Variants in EPM2A observed in about 807,000 individuals in gnomAD.
EPM2A encodes the protein EPM2A glucan phosphatase, laforin.
In EPM2A, 21 loss-of-function variants were observed where a neutral mutation model predicts 26.5. The ratio of observed to expected loss-of-function variants is 0.79; its 90% confidence interval spans 0.56 to 1.14. The LOEUF is 1.14. Ranked by LOEUF, EPM2A falls within the 50% of genes most tolerant of loss-of-function variation. The pLI, the probability that EPM2A is intolerant of heterozygous loss-of-function variation, is 0.00. For missense variants in EPM2A, 458 were observed against 440.8 expected (o/e 1.04, Z -0.35); for synonymous variants, 217 against 177.6 (o/e 1.22, Z -1.76).
chr6:145,696,858 T>C (rs927033971), intron 1 of EPM2A, among the ~76,000 whole-genome samples: 1 of 151,670 alleles, frequency 6.6e-6, no homozygotes, highest in Non-Finnish European at 1.5e-5. Flanking sequence ...CTGATTACTA[T>C]GATTATTGTT....
chr6:145,604,291 C>T (rs1439036063), intron 2 of EPM2A, among the ~76,000 whole-genome samples: 1 of 151,958 alleles, frequency 6.6e-6, no homozygotes, highest in Admixed American at 6.6e-5. Flanking sequence ...GATAATATTA[C>T]CATATACAAA....
downstream of EPM2A, among the ~76,000 whole-genome samples, chr6:145,624,142 A>G (rs116348456): frequency 2.0e-3 from 306 of 152,224 alleles, 2 homozygotes; most frequent in African/African-American, 6.4e-3. Context: ...GCAGGTACTC[A>G]GTGACGGCAC....
chr6:145,426,191 C>G (rs1160302324), intron 4 of EPM2A, among the ~76,000 whole-genome samples: 1 of 152,218 alleles, frequency 6.6e-6, no homozygotes, highest in Admixed American at 6.5e-5. Context: ...ATGTTCACAG[C>G]AGGCCAGGAT....
In EPM2A at chr6:145,515,648, AC is replaced by A; in HGVS notation, c.341-13074del. ...AGGGCCCTGTCCCCATGATCTAATC[AC>A]CTCTTGAAGTCCTCACATCCTAATA... is the stretch of plus-strand genomic sequence containing the variant. On this transcript the variant is annotated intron_variant, in intron 2 of 3. Coordinates refer to the EPM2A transcript ENST00000450221. Among the ~76,000 whole-genome samples, 3 of 152,198 alleles carry A rather than the reference AC, an allele frequency of 2.0e-5. No homozygotes were observed. In the Middle Eastern group the frequency reaches 0.01, roughly 518 times the overall value.
chr6:145,394,407 C>T lies in EPM2A; in HGVS notation c.556-10310G>A, dbSNP rs369909074. Among the ~76,000 whole-genome samples, 14 of 152,236 alleles carry T rather than the reference C, an allele frequency of 9.2e-5. 1 individual carries two copies. The highest frequency in any genetic ancestry group is 3.4e-4 in the African/African-American group (14 of 41,530). On this transcript the variant is annotated intron_variant, in intron 4 of 4. Coordinates refer to the EPM2A transcript ENST00000638717. Reference sequence around the variant, plus strand: ...GGGCCAATCTAACACTGATATCTGTCTGATTCACTCAGCACTGCCAATTAC... The same window carrying T: ...GGGCCAATCTAACACTGATATCTGTTTGATTCACTCAGCACTGCCAATTAC...
At chr6:145,642,111 T>G (rs1310254610) in intron 2 of EPM2A, among the ~76,000 whole-genome samples, 2 of 152,120 alleles carry the variant, frequency 1.3e-5, no homozygotes, top group Admixed American at 1.3e-4. Context: ...ACTAGCAAAC[T>G]TTGCTTCCTT....
intron 4 of EPM2A, among the ~76,000 whole-genome samples, chr6:145,476,594 A>C (rs1319950506): frequency 1.3e-5 from 2 of 152,086 alleles, no homozygotes; most frequent in Non-Finnish European, 2.9e-5. Flanking sequence ...TTAAAATAGC[A>C]TAAAGCATCT....
chr6:145,638,409 G>A (rs1369975365), intron 2 of EPM2A: 1 of 152,154 alleles, frequency 6.6e-6, no homozygotes, highest in Non-Finnish European at 1.5e-5. Flanking sequence ...ATATCCTTCA[G>A]CCCTGGCCTT....
At chr6:145,705,730 C>T (rs755000729) in intron 1 of EPM2A, among the ~76,000 whole-genome samples, 3 of 152,078 alleles carry the variant, frequency 2.0e-5, no homozygotes, top group Non-Finnish European at 4.4e-5. Flanking sequence ...AATGAGGCAA[C>T]GCAACAGGAA....
At chr6:145,561,680 T>C (rs1036066190) in intron 2 of EPM2A, among the ~76,000 whole-genome samples, 4 of 152,118 alleles carry the variant, frequency 2.6e-5, no homozygotes, top group South Asian at 2.1e-4. Flanking sequence ...TGTTGCATGA[T>C]TGAATGCATG....
intron 4 of EPM2A, among the ~76,000 whole-genome samples, chr6:145,419,341 C>T (rs940221861): frequency 5.9e-5 from 9 of 152,186 alleles, no homozygotes; most frequent in African/African-American, 2.2e-4. Context: ...CCTTCCAGGT[C>T]TAATATCCTT....
At chr6:145,720,070 C>T (rs928042395) in intron 1 of EPM2A, among the ~76,000 whole-genome samples, 5 of 152,098 alleles carry the variant, frequency 3.3e-5, no homozygotes, top group African/African-American at 1.2e-4. Context: ...GATTGATTCA[C>T]TAATGGATTC....
chr6:145,393,727 TC>T (rs1487912796), intron 4 of EPM2A, among the ~76,000 whole-genome samples: 1 of 152,096 alleles, frequency 6.6e-6, no homozygotes, highest in Non-Finnish European at 1.5e-5. Flanking sequence ...CAGTGACTGT[TC>T]CTTAGAATCT....
At chr6:145,648,046 C>T (rs1429474073) in intron 2 of EPM2A, among the ~76,000 whole-genome samples, 1 of 152,168 alleles carries the variant, frequency 6.6e-6, no homozygotes, top group African/African-American at 2.4e-5. Flanking sequence ...AGTAATTAGA[C>T]CGCCTCAAAT....
At chr6:145,714,701 T>C in intron 1 of EPM2A, among the ~76,000 whole-genome samples, 1 of 152,172 alleles carries the variant, frequency 6.6e-6, no homozygotes, top group Non-Finnish European at 1.5e-5. Flanking sequence ...AAGTCACATC[T>C]TACATGGATG....
intron 4 of EPM2A, among the ~76,000 whole-genome samples, chr6:145,414,720 T>A (rs1451957615): frequency 6.6e-6 from 1 of 152,048 alleles, no homozygotes; most frequent in Non-Finnish European, 1.5e-5. Context: ...AAGTCCAATG[T>A]GGATAGCAAA....
At chr6:145,642,791 A>T (rs58492233) in intron 2 of EPM2A, among the ~76,000 whole-genome samples, 2,349 of 152,252 alleles carry the variant, frequency 0.015, 67 homozygotes, top group African/African-American at 0.053. Context: ...AGGGACATGG[A>T]GTGTGGTGAA....
intron 2 of EPM2A, among the ~76,000 whole-genome samples, chr6:145,642,979 G>A (rs1366928331): frequency 6.6e-6 from 1 of 152,158 alleles, no homozygotes; most frequent in Non-Finnish European, 1.5e-5. Context: ...ATGCAAATTT[G>A]ATTGGGTAGC....
At chr6:145,428,685 T>C (rs187005428) in intron 4 of EPM2A, among the ~76,000 whole-genome samples, 1 of 152,360 alleles carries the variant, frequency 6.6e-6, no homozygotes, top group Non-Finnish European at 1.5e-5. Context: ...TGTTTTACTT[T>C]CTTTGCTGTG....
Sources: allele counts gnomAD v4.1 joint callset (sites outside exome capture counted in the v4.1 genomes callset), GRCh38; gene constraint gnomAD v4.1.1; transcripts MANE v1.5; gene names NCBI Gene and HGNC (gene_info 2026-07-23, HGNC 2026-07-21).